Variants in TRAM2 observed in about 807,000 individuals in gnomAD.
TRAM2 encodes translocating chain-associated membrane protein 2.
In TRAM2, 12 loss-of-function variants were observed where a neutral mutation model predicts 51.0. That is an observed-to-expected ratio of 0.24 (90% CI 0.15 to 0.38). The LOEUF (loss-of-function observed/expected upper bound fraction) is 0.38. TRAM2 is among the 10% of genes least tolerant of loss of function. The probability of loss-of-function intolerance (pLI) is 1.00; values close to 1 mark genes in which losing one functional copy is unlikely to be tolerated. For missense variants in TRAM2, 361 were observed against 462.0 expected (o/e 0.78, Z 2.00); for synonymous variants, 175 against 179.4 (o/e 0.98, Z 0.20).
At chr6:52,504,553 C>G (rs1562473821) in intron 10 of TRAM2, 38 bp downstream of exon 10, 1 of 1,612,306 alleles carries the variant, frequency 6.2e-7, no homozygotes. Flanking sequence ...AGACAGACTT[C>G]CCTGGCTCCA....
chr6:52,499,606 A>AAAGAAGGGGTACTGT lies in TRAM2; in HGVS notation c.*3590_*3591insACAGTACCCCTTCTT, dbSNP rs1766163739. 1 of 152,116 alleles carries AAAGAAGGGGTACTGT rather than the reference A, an allele frequency of 6.6e-6. No homozygotes were observed. The highest frequency in any genetic ancestry group is 1.5e-5 in the Non-Finnish European group (1 of 68,040). 9.4% of individuals were successfully genotyped at this position (152,116 alleles called of 1,614,324 possible). ...CAACCTCTTATTAGCTGCTTAGAAA[A>AAAGAAGGGGTACTGT]AAGAAGGGGTACTGACAAAGGAGGT... On this transcript the variant is annotated 3_prime_UTR_variant, in exon 11 of 11. Coordinates refer to ENST00000182527, the MANE Select transcript of TRAM2 (RefSeq NM_012288.4).
Position 52,499,411 on chromosome 6 carries a change from T to C in TRAM2, c.*3786A>G, listed in dbSNP as rs1766159341. 1 of 152,024 alleles carries C rather than the reference T, an allele frequency of 6.6e-6. No individual in the cohort carries two copies. Among genetic ancestry groups the C allele is most frequent in the South Asian group, 2.1e-4 (1 of 4,824 alleles). The allele number at this position is 152,024 out of a possible 1,614,324, so 9.4% of individuals were successfully genotyped here. On this transcript the variant is annotated 3_prime_UTR_variant, in exon 11 of 11. Coordinates refer to ENST00000182527, the MANE Select transcript of TRAM2 (RefSeq NM_012288.4). ...TTAGTTATGTGCAGACTTCCCTACC[T>C]CTCACACCAGGCCTAGAAAAACCAA... is the stretch of plus-strand genomic sequence containing the variant.
chr6:52,570,792 A>ACCCCCCCCCCCCCCCCCCCCCCCCCC (rs1487796614), intron 1 of TRAM2, among the ~76,000 whole-genome samples: 1 of 32,846 alleles, frequency 3.0e-5, no homozygotes, highest in Admixed American at 2.7e-4. Flanking sequence ...CTCCCTGCCC[A>ACCCCCCCCCCCCCCCCCCCCCCCCCC]CCACCCCCCC....
chr6:52,544,218 G>T (rs1386028531), intron 1 of TRAM2, among the ~76,000 whole-genome samples: 1 of 152,224 alleles, frequency 6.6e-6, no homozygotes, highest in Non-Finnish European at 1.5e-5. Flanking sequence ...TATTTGTGTA[G>T]GGGCACATAA....
chr6:52,518,423 G>A (rs1280691739), intron 2 of TRAM2, among the ~76,000 whole-genome samples: 5 of 152,202 alleles, frequency 3.3e-5, no homozygotes, highest in East Asian at 1.9e-4. Flanking sequence ...TGAAGGCAAC[G>A]TGGAAATATT....
intron 1 of TRAM2, among the ~76,000 whole-genome samples, chr6:52,560,326 T>C (rs1177082367): frequency 2.0e-5 from 3 of 152,178 alleles, no homozygotes; most frequent in South Asian, 4.1e-4. Context: ...CCTAGAGAGA[T>C]ACCAATGTTG....
At chr6:52,512,979 A>G (rs1280437494) in intron 4 of TRAM2, among the ~76,000 whole-genome samples, 2 of 152,250 alleles carry the variant, frequency 1.3e-5, no homozygotes, top group African/African-American at 4.8e-5. Flanking sequence ...AGCCAAATAT[A>G]GCAAGGAAGT....
In TRAM2 at chr6:52,569,147, C is replaced by T. The variant is rs369838282; in HGVS notation, c.120+7649G>A. On this transcript the variant is annotated intron_variant, in intron 1 of 10. Coordinates refer to ENST00000182527, the MANE Select transcript of TRAM2 (RefSeq NM_012288.4). ...CGGTGGCTCATGCCTGTAATCCCAA[C>T]ACTTTGGGAGGCCAAGGCAGGCAGA... 1.1e-4 allele frequency among the ~76,000 whole-genome samples: 16 copies of T among 152,300 alleles called. No homozygotes were observed. The East Asian group carries it at 3.1e-3, about 29-fold the overall frequency.
chr6:52,531,855 C>G, intron 2 of TRAM2, among the ~76,000 whole-genome samples: 1 of 143,638 alleles, frequency 7.0e-6, no homozygotes, highest in African/African-American at 3.0e-5. Flanking sequence ...TTACCTATCT[C>G]TCTCTAATAA....
chr6:52,517,139 T>A (rs1200120380), intron 2 of TRAM2: 1 of 174,916 alleles, frequency 5.7e-6, no homozygotes, highest in Non-Finnish European at 1.2e-5. Context: ...GGACTATAGT[T>A]ATGCTTTCTC....
rs77163481 is a variant in TRAM2, at chr6:52,566,443, C to A, written c.120+10353G>T. Among the ~76,000 whole-genome samples the A allele has an allele frequency of 6.1e-3, 928 of 152,254 alleles. 3 individuals carry two copies. The highest frequency in any genetic ancestry group is 0.034 in the Middle Eastern group (10 of 294). ...CCCAGGTGGAAGTCCTAACCTGGACCAGTGCCCCAGCCTCCTAACCAGACT... is the reference window on the plus strand; with the variant it reads ...CCCAGGTGGAAGTCCTAACCTGGACAAGTGCCCCAGCCTCCTAACCAGACT... On this transcript the variant is annotated intron_variant, in intron 1 of 10. Coordinates refer to ENST00000182527, the MANE Select transcript of TRAM2 (RefSeq NM_012288.4).
At chr6:52,556,129 G>A (rs1408793932) in intron 1 of TRAM2, among the ~76,000 whole-genome samples, 1 of 152,110 alleles carries the variant, frequency 6.6e-6, no homozygotes, top group African/African-American at 2.4e-5. Context: ...AAGGGACAAG[G>A]TGAGGGGTAA....
intron 2 of TRAM2, among the ~76,000 whole-genome samples, chr6:52,520,734 CA>C (rs1372462090): frequency 1.3e-5 from 2 of 152,166 alleles, no homozygotes; most frequent in East Asian, 3.8e-4. Context: ...AATGCCACCT[CA>C]AGGTCAACAC....
intron 1 of TRAM2, among the ~76,000 whole-genome samples, chr6:52,547,170 G>A (rs915519525): frequency 1.1e-4 from 16 of 152,126 alleles, no homozygotes; most frequent in Non-Finnish European, 2.2e-4. Context: ...AGGGAGGTGC[G>A]GGAGAAGCTT....
chr6:52,523,159 G>T, intron 2 of TRAM2: 3 of 406,290 alleles, frequency 7.4e-6, no homozygotes, highest in Non-Finnish European at 1.3e-5. Flanking sequence ...TCTTCTATTG[G>T]TTGCTGTGCC....
chr6:52,521,682 G>A (rs966531533), intron 2 of TRAM2, among the ~76,000 whole-genome samples: 3 of 151,456 alleles, frequency 2.0e-5, no homozygotes, highest in African/African-American at 4.9e-5. Context: ...GGGAGACAGA[G>A]CGAGAGACTC....
chr6:52,558,735 T>C (rs1277630133), intron 1 of TRAM2, among the ~76,000 whole-genome samples: 1 of 152,112 alleles, frequency 6.6e-6, no homozygotes, highest in South Asian at 2.1e-4. Flanking sequence ...CTGTTAATGG[T>C]GAATCATGAT....
At chr6:52,556,531 C>G (rs1009370784) in intron 1 of TRAM2, among the ~76,000 whole-genome samples, 2 of 152,030 alleles carry the variant, frequency 1.3e-5, no homozygotes, top group Non-Finnish European at 2.9e-5. Context: ...ATCCACTCGC[C>G]TTGCCCCCAC....
chr6:52,507,422 T>C, intron 7 of TRAM2, 131 bp downstream of exon 7: 6 of 839,344 alleles, frequency 7.1e-6, no homozygotes, highest in Non-Finnish European at 1.1e-5. Flanking sequence ...CATCTTTGTA[T>C]TGCCAAGTCT....
Sources: allele counts gnomAD v4.1 joint callset (sites outside exome capture counted in the v4.1 genomes callset), GRCh38; gene constraint gnomAD v4.1.1; transcripts MANE v1.5; gene names NCBI Gene and HGNC (gene_info 2026-07-23, HGNC 2026-07-21).